Variants in VTI1A observed in about 807,000 individuals in gnomAD.
VTI1A encodes the protein vesicle transport through interaction with t-SNAREs 1A.
In VTI1A, 22 loss-of-function variants were observed where a neutral mutation model predicts 34.9. That is an observed-to-expected ratio of 0.63 (90% CI 0.45 to 0.90). The LOEUF (loss-of-function observed/expected upper bound fraction) is 0.90. Ranked by LOEUF, VTI1A falls within the 40% of genes least tolerant of loss-of-function variation. The probability of loss-of-function intolerance (pLI) is 0.00; values close to 1 mark genes in which losing one functional copy is unlikely to be tolerated. For synonymous variants in VTI1A, 87 were observed against 97.3 expected (o/e 0.89, Z 0.62); for missense variants, 268 against 275.6 (o/e 0.97, Z 0.20).
intron 3 of VTI1A, among the ~76,000 whole-genome samples, chr10:112,497,438 T>C (rs1849068758): frequency 6.6e-6 from 1 of 152,244 alleles, no homozygotes; most frequent in Admixed American, 6.5e-5. Context: ...TTAATGTCTG[T>C]GCTTCAGTTT....
chr10:112,852,300 C>G, the VTI1A span, among the ~76,000 whole-genome samples: 576 of 152,324 alleles, frequency 3.8e-3, 5 homozygotes, highest in East Asian at 0.023. Flanking sequence ...CTATCTGCTC[C>G]CCTTCCCCCA....
chr10:112,672,632 G>T (rs972140887), intron 7 of VTI1A: 1 of 152,022 alleles, frequency 6.6e-6, no homozygotes, highest in Non-Finnish European at 1.5e-5. Context: ...ATTATAATTG[G>T]CTGTCTTAAA....
rs759385324 is a variant in VTI1A at position 112,815,131 on chromosome 10, T to TCGCG, written c.561-153_561-150dup. On this transcript the variant is annotated intron_variant, in intron 7 of 7. Coordinates refer to ENST00000393077, the MANE Select transcript of VTI1A (RefSeq NM_145206.4). ...ACCAGAAAGCTGCGTGATGTCTCTT[T>TCGCG]CGCGCGCGCACACACACACACACAC... Among the ~76,000 whole-genome samples, 4 of 130,408 alleles carry TCGCG rather than the reference T, an allele frequency of 3.1e-5. No homozygotes were observed. The East Asian group carries it at 7.2e-4, about 23-fold the overall frequency. The allele number at this position is 130,408 out of a possible 152,430, so 85.6% of individuals were successfully genotyped here.
At chr10:112,593,440 C>G in intron 5 of VTI1A, among the ~76,000 whole-genome samples, 1 of 152,226 alleles carries the variant, frequency 6.6e-6, no homozygotes, top group East Asian at 1.9e-4. Flanking sequence ...AAAACCTCTT[C>G]AGAGCATGTG....
intron 7 of VTI1A, among the ~76,000 whole-genome samples, chr10:112,751,165 T>G (rs540998867): frequency 6.6e-6 from 1 of 152,290 alleles, no homozygotes; most frequent in African/African-American, 2.4e-5. Context: ...GTGTTTGGTG[T>G]GAAGTACCTA....
At chr10:112,525,144 T>C (rs1398622254) in intron 3 of VTI1A, among the ~76,000 whole-genome samples, 2 of 152,200 alleles carry the variant, frequency 1.3e-5, no homozygotes, top group Non-Finnish European at 2.9e-5. Context: ...CACAAATGAC[T>C]GAGTTGGGTC....
intron 5 of VTI1A, among the ~76,000 whole-genome samples, chr10:112,565,536 A>G (rs1046172937): frequency 6.6e-6 from 1 of 152,180 alleles, no homozygotes; most frequent in African/African-American, 2.4e-5. Flanking sequence ...TCTTTCCTGT[A>G]TACCTCTGAT....
At chr10:112,659,266 T>C (rs1847356150) in intron 5 of VTI1A, among the ~76,000 whole-genome samples, 1 of 152,164 alleles carries the variant, frequency 6.6e-6, no homozygotes, top group Admixed American at 6.5e-5. Flanking sequence ...CCCATTCAGG[T>C]TTTCTGCTGC....
At chr10:112,575,196 G>A (rs777356270) in intron 5 of VTI1A, among the ~76,000 whole-genome samples, 14 of 152,128 alleles carry the variant, frequency 9.2e-5, no homozygotes, top group Non-Finnish European at 1.9e-4. Flanking sequence ...ATGAATGATT[G>A]ATTTCTCTTT....
intron 5 of VTI1A, among the ~76,000 whole-genome samples, chr10:112,542,300 G>A (rs952527806): frequency 2.6e-5 from 4 of 152,128 alleles, no homozygotes; most frequent in Non-Finnish European, 5.9e-5. Context: ...CTGTCCCACC[G>A]GTACTGTAGA....
intron 7 of VTI1A, among the ~76,000 whole-genome samples, chr10:112,725,084 C>T (rs1394916540): frequency 6.6e-6 from 1 of 152,214 alleles, no homozygotes; most frequent in East Asian, 1.9e-4. Context: ...TGTCTGGGTT[C>T]AGTATTTCCT....
At chr10:112,792,199 C>T (rs1046078488) in intron 7 of VTI1A, among the ~76,000 whole-genome samples, 30 of 152,232 alleles carry the variant, frequency 2.0e-4, no homozygotes, top group Middle Eastern at 3.4e-3. Flanking sequence ...CATGTGAACC[C>T]GGGAGGCAGA....
chr10:112,750,911 G>A (rs1851080054), intron 7 of VTI1A, among the ~76,000 whole-genome samples: 1 of 152,126 alleles, frequency 6.6e-6, no homozygotes, highest in Non-Finnish European at 1.5e-5. Context: ...CACTATCTTT[G>A]AGATAACAAA....
At chr10:112,701,895 G>T (rs956585847) in intron 7 of VTI1A, among the ~76,000 whole-genome samples, 1 of 152,156 alleles carries the variant, frequency 6.6e-6, no homozygotes, top group Non-Finnish European at 1.5e-5. Flanking sequence ...TACATCTAGT[G>T]AGTTACAAAT....
At chr10:112,635,348 T>C (rs1013314773) in intron 5 of VTI1A, among the ~76,000 whole-genome samples, 3 of 152,146 alleles carry the variant, frequency 2.0e-5, no homozygotes, top group African/African-American at 7.2e-5. Context: ...GTCAGCAGGA[T>C]TGTACGGATT....
In VTI1A at chr10:112,722,493, A is replaced by G. The variant is rs1395181991; in HGVS notation, c.560+53495A>G. Among the ~76,000 whole-genome samples, 8 of 152,338 alleles carry G rather than the reference A, an allele frequency of 5.3e-5. No individual in the cohort carries two copies. In the East Asian group the frequency reaches 1.2e-3, roughly 22 times the overall value. On this transcript the variant is annotated intron_variant, in intron 7 of 7. Coordinates refer to ENST00000393077, the MANE Select transcript of VTI1A (RefSeq NM_145206.4). ...CCTGCACATTGTGCACATGTACCCT[A>G]GAACTTAAAGTATAATAATAAAAAA...
chr10:112,467,889 G>A (rs1270580621), intron 3 of VTI1A, among the ~76,000 whole-genome samples: 1 of 152,194 alleles, frequency 6.6e-6, no homozygotes, highest in Non-Finnish European at 1.5e-5. Flanking sequence ...CTAGAATGCA[G>A]CAGTGGTGAA....
At chr10:112,740,381 C>T (rs550348769) in intron 7 of VTI1A, among the ~76,000 whole-genome samples, 13 of 152,200 alleles carry the variant, frequency 8.5e-5, no homozygotes, top group Non-Finnish European at 1.9e-4. Flanking sequence ...CCTCCGCCTC[C>T]CAGGTTCAAG....
Position 112,546,113 on chromosome 10 carries a change from C to A in VTI1A, c.427+7783C>A, listed in dbSNP as rs184182770. The stretch of plus-strand genomic sequence containing the variant: ...GTATGTGTGTATATACGTGTATACA[C>A]GTGTGTGTGTATTTTGCATATATAT... On this transcript the variant is annotated intron_variant, in intron 5 of 7. Transcript: ENST00000393077. 8.0e-4 allele frequency among the ~76,000 whole-genome samples: 108 copies of A among 135,124 alleles called. 2 individuals carry two copies. The highest frequency in any genetic ancestry group is 3.7e-3 in the Middle Eastern group (1 of 270). The allele number at this position is 135,124 out of a possible 152,430, so 88.6% of individuals were successfully genotyped here.
Sources: allele counts gnomAD v4.1 joint callset (sites outside exome capture counted in the v4.1 genomes callset), GRCh38; gene constraint gnomAD v4.1.1; transcripts MANE v1.5; gene names NCBI Gene and HGNC (gene_info 2026-07-23, HGNC 2026-07-21).